ANKRD12: variants seen among roughly 807,000 people sequenced by gnomAD.
The protein encoded by ANKRD12 is ankyrin repeat domain-containing protein 12.
In ANKRD12, 85 loss-of-function variants were observed where a neutral mutation model predicts 183.4. That is an observed-to-expected ratio of 0.46 (90% confidence interval 0.39 to 0.56). ANKRD12 has a LOEUF of 0.56. Among genes scored for constraint, ANKRD12 ranks in the 20% least tolerant of loss-of-function variants. The pLI is 0.00. For missense variants in ANKRD12, 2,405 were observed against 2,357.1 expected (o/e 1.02, Z -0.42); for synonymous variants, 914 against 800.2 (o/e 1.14, Z -2.40).
intron 8 of ANKRD12, among the ~76,000 whole-genome samples, chr18:9,242,833 TAA>T (rs1301250728): frequency 2.6e-5 from 4 of 152,302 alleles, no homozygotes; most frequent in Middle Eastern, 6.8e-3. Context: ...ATCTCACACT[TAA>T]AGTCTTAACT....
intron 3 of ANKRD12, among the ~76,000 whole-genome samples, chr18:9,200,107 T>TA (rs2035079329): frequency 1.3e-5 from 2 of 152,312 alleles, no homozygotes; most frequent in South Asian, 4.1e-4. Context: ...TTTTGCGAGA[T>TA]ATCGTAGTGT....
At chr18:9,231,594 G>A (rs902512398) in intron 8 of ANKRD12, among the ~76,000 whole-genome samples, 4 of 151,926 alleles carry the variant, frequency 2.6e-5, no homozygotes, top group Admixed American at 6.6e-5. Flanking sequence ...TTGGGAGGCC[G>A]AGGTGGGTGG....
Position 9,211,596 on chromosome 18 carries a change from A to G in ANKRD12, c.464A>G (p.Asn155Ser). 1 of 1,613,734 alleles carries G rather than the reference A, an allele frequency of 6.2e-7. No homozygotes were observed. The highest frequency in any genetic ancestry group is 8.5e-7 in the Non-Finnish European group (1 of 1,179,784). The change falls in exon 6 of 13, where the codon AAT becomes AGT. Residue 155 changes from asparagine to serine, a missense_variant. By Grantham distance (46) the Asn-to-Ser change is conservative. Transcript: ENST00000262126. ...ARDNSPDSTP[N>S]HPSQTTPAQK... The stretch of plus-strand genomic sequence containing the variant: ...TTCTTTCTTACAGATTCCACACCAA[A>G]TCATCCATCACAAACAACGCCTGCC...
At chr18:9,187,457 A>G (rs2034164060) in intron 2 of ANKRD12, among the ~76,000 whole-genome samples, 2 of 152,128 alleles carry the variant, frequency 1.3e-5, no homozygotes, top group South Asian at 4.1e-4. Context: ...TAGAGACCCC[A>G]TTTACAGTTT....
rs2037322179 is a variant in ANKRD12 at position 9,235,942 on chromosome 18, T to C, written c.943+13943T>C. 10 of 203,762 alleles carry C rather than the reference T, an allele frequency of 4.9e-5. No individual in the cohort carries two copies. The South Asian group carries it at 7.1e-4, about 14-fold the overall frequency. The allele number at this position is 203,762 out of a possible 1,614,324, so 12.6% of individuals were successfully genotyped here. The stretch of plus-strand genomic sequence containing the variant: ...AAATGGCATATATAATATCTAGATA[T>C]TGAGGGACTTTTTTTTTTTTTTAGT... On this transcript the variant is annotated intron_variant, in intron 8 of 12. Transcript: ENST00000262126.
In ANKRD12 at chr18:9,222,015, T is replaced by C. The variant is rs1212621231; in HGVS notation, c.943+16T>C. The C allele has an allele frequency of 3.7e-6, 6 of 1,611,654 alleles. No homozygotes were observed. Among genetic ancestry groups the C allele is most frequent in the Admixed American group, 1.7e-5 (1 of 59,544 alleles). On this transcript the variant is annotated intron_variant, in intron 8 of 12. Coordinates refer to ENST00000262126, the MANE Select transcript of ANKRD12 (RefSeq NM_015208.5). The stretch of plus-strand genomic sequence containing the variant: ...AGTTACACAGGTTTGTTTCAGATAA[T>C]CTACATTCATCTGTTCGTTTGACAT...
intron 8 of ANKRD12, among the ~76,000 whole-genome samples, chr18:9,243,863 G>A (rs978249438): frequency 1.3e-5 from 2 of 152,176 alleles, no homozygotes; most frequent in East Asian, 3.8e-4. Context: ...AGATGGGTGC[G>A]GTGGCCCACG....
At chr18:9,225,935 CATCA>C (rs1029525430) in intron 8 of ANKRD12, among the ~76,000 whole-genome samples, 3 of 151,656 alleles carry the variant, frequency 2.0e-5, no homozygotes, top group Admixed American at 2.0e-4. Flanking sequence ...CATATCTATC[CATCA>C]ATCCATATTA....
chr18:9,228,580 AATTTTTTCATATATTAGCC>A (rs901721798), intron 8 of ANKRD12, among the ~76,000 whole-genome samples: 1 of 152,066 alleles, frequency 6.6e-6, no homozygotes, highest in African/African-American at 2.4e-5. Flanking sequence ...TGATGTCGAG[AATTTTTTCATATATTAGCC>A]ATTTGTATCT....
At chr18:9,184,845 A>T (rs2033938805) in intron 2 of ANKRD12, among the ~76,000 whole-genome samples, 1 of 152,218 alleles carries the variant, frequency 6.6e-6, no homozygotes, top group African/African-American at 2.4e-5. Context: ...GATAAAAATA[A>T]CATCTTAAAT....
intron 1 of ANKRD12, among the ~76,000 whole-genome samples, chr18:9,155,626 G>A (rs1192505279): frequency 6.6e-6 from 1 of 152,184 alleles, no homozygotes; most frequent in Non-Finnish European, 1.5e-5. Flanking sequence ...CTTGCCAACA[G>A]TTTTAATCTT....
rs1415426577 is a variant in ANKRD12, at chr18:9,275,632, G to T, written c.5872G>T (p.Asp1958Tyr). The T allele has an allele frequency of 6.2e-7, 1 of 1,604,926 alleles. No individual in the cohort carries two copies. Among genetic ancestry groups the T allele is most frequent in the South Asian group, 1.1e-5 (1 of 90,060 alleles). ...LPFSACTVLL[D>Y]AEVYNVPLDS... The stretch of plus-strand genomic sequence containing the variant: ...ATTTAGTGCTTGTACTGTTTTGCTG[G>T]ATGCCGAAGTATACAATGTACCATT... The change falls in exon 11 of 13, where the codon GAT (aspartate) becomes TAT (tyrosine). Residue 1958 changes from aspartate (D) to tyrosine (Y), a missense_variant. Around this residue, in one of 7 missense-constraint regions of ANKRD12, gnomAD observed 162 missense variants for 272.2 expected, o/e 0.60. Transcript: ENST00000262126.
intron 8 of ANKRD12, among the ~76,000 whole-genome samples, chr18:9,247,572 T>C (rs1372974840): frequency 6.6e-6 from 1 of 152,200 alleles, no homozygotes; most frequent in Non-Finnish European, 1.5e-5. Flanking sequence ...TTTATCATCT[T>C]AAAATTTCTA....
chr18:9,245,981 C>T (rs763895436), intron 8 of ANKRD12, among the ~76,000 whole-genome samples: 32 of 152,282 alleles, frequency 2.1e-4, no homozygotes, highest in Non-Finnish European at 3.8e-4. Flanking sequence ...AGATGTAACT[C>T]TGCCACTTAC....
Position 9,282,801 on chromosome 18 carries a change from G to A in ANKRD12, c.*1675G>A, listed in dbSNP as rs1024733043. On this transcript the variant is annotated 3_prime_UTR_variant, in exon 13 of 13. Transcript: ENST00000262126. ...AGCTTAGGGATTTTTGAATTTTTAC[G>A]TCAGTTTATATTTTAATTCTTACTG... 8 of 152,468 alleles carry A rather than the reference G, an allele frequency of 5.2e-5. No homozygotes were observed. Among genetic ancestry groups the A allele is most frequent in the African/African-American group, 1.2e-4 (5 of 41,484 alleles). The allele number at this position is 152,468 out of a possible 1,614,324, so 9.4% of individuals were successfully genotyped here. A position where few individuals can be genotyped will look rare whatever the true frequency, so the allele number is the denominator to read the frequency against.
chr18:9,278,476 G>T (rs1254795234), intron 11 of ANKRD12, among the ~76,000 whole-genome samples: 1 of 152,128 alleles, frequency 6.6e-6, no homozygotes, highest in Admixed American at 6.6e-5. Flanking sequence ...CTAACTTGGG[G>T]CACCAATGAA....
chr18:9,222,096 TTAGAA>T lies in ANKRD12; in HGVS notation c.943+100_943+104del, dbSNP rs1027188299. 2.8e-6 allele frequency: 4 copies of T among 1,406,110 alleles called. No individual in the cohort carries two copies. In the African/African-American group the frequency reaches 4.3e-5, roughly 15 times the overall value. 87.1% of individuals were successfully genotyped at this position (1,406,110 alleles called of 1,614,324 possible). On this transcript the variant is annotated intron_variant, in intron 8 of 12. Coordinates refer to ENST00000262126, the MANE Select transcript of ANKRD12 (RefSeq NM_015208.5). ...GTAATATACAAAATGTTTGAATACT[TTAGAA>T]TAATGCTGGCTAGCTAGAATAATGC...
intron 2 of ANKRD12, 40 bp downstream of exon 2, chr18:9,182,559 G>A (rs747450028): frequency 1.3e-5 from 18 of 1,343,052 alleles, no homozygotes; most frequent in Non-Finnish European, 1.8e-5. Flanking sequence ...TTTTTGAACT[G>A]GGAAAAAGAC....
At chr18:9,147,176 A>G (rs2078520027) in intron 1 of ANKRD12, among the ~76,000 whole-genome samples, 1 of 152,140 alleles carries the variant, frequency 6.6e-6, no homozygotes, top group Admixed American at 6.5e-5. Context: ...CTGGTTTCTT[A>G]ATGACCTATC....
Sources: allele counts gnomAD v4.1 joint callset (sites outside exome capture counted in the v4.1 genomes callset), GRCh38; gene constraint gnomAD v4.1.1; regional missense constraint gnomAD v4.1.1; transcripts MANE v1.5; gene names NCBI Gene and HGNC (gene_info 2026-07-23, HGNC 2026-07-21).